Variants in CDKL5 observed in about 807,000 individuals in gnomAD.
CDKL5 encodes the protein cyclin-dependent kinase-like 5.
A neutral mutation model predicts 61.7 loss-of-function variants in CDKL5; 8 were observed. The ratio of observed to expected loss-of-function variants is 0.13; its 90% CI spans 0.08 to 0.23. CDKL5 has a LOEUF of 0.23. Ranked by LOEUF, CDKL5 falls within the 10% of genes least tolerant of loss-of-function variation. The pLI is 1.00. For synonymous variants in CDKL5, 275 were observed against 272.3 expected, an observed-to-expected ratio of 1.01 and a Z score of -0.10; for missense variants, 440 against 734.5, an observed-to-expected ratio of 0.60 and a Z score of 4.63.
chrX:18,626,800 G>A (rs1296694985), intron 17 of CDKL5: 3 of 89,159 alleles, frequency 3.4e-5, no homozygotes, highest in Admixed American at 1.4e-4. Context: ...TCAGGCTGGA[G>A]TGCAGTGGCA....
At chrX:18,572,081 A>G (rs1050900914) in intron 4 of CDKL5, among the ~76,000 whole-genome samples, 3 of 112,157 alleles carry the variant, frequency 2.7e-5, no homozygotes, top group African/African-American at 9.7e-5. Flanking sequence ...AATCAATACA[A>G]TTTTAATGAA....
intron 1 of CDKL5, among the ~76,000 whole-genome samples, chrX:18,490,745 G>A (rs909108308): frequency 2.7e-5 from 3 of 111,792 alleles, no homozygotes; most frequent in African/African-American, 9.7e-5. Flanking sequence ...TGATGAAATT[G>A]CTTGTATTTT....
At chrX:18,509,841 G>A (rs753698574) in intron 2 of CDKL5, among the ~76,000 whole-genome samples, 1 of 110,067 alleles carries the variant, frequency 9.1e-6, no homozygotes, top group East Asian at 2.9e-4. Flanking sequence ...CTGAGGCCTG[G>A]ACTACTTTGC....
intron 17 of CDKL5, among the ~76,000 whole-genome samples, chrX:18,628,151 C>T (rs1927124721): frequency 8.9e-6 from 1 of 111,900 alleles, no homozygotes; most frequent in African/African-American, 3.2e-5. Context: ...GCCGTACCAG[C>T]TCTATATGTC....
chrX:18,642,309 T>C (rs181740308), downstream of CDKL5, among the ~76,000 whole-genome samples: 67 of 111,879 alleles, frequency 6.0e-4, no homozygotes, highest in South Asian at 4.5e-3. Context: ...TGACCTTGAG[T>C]GATTGTCATC....
At chrX:18,496,885 C>T (rs1282799761) in intron 1 of CDKL5, among the ~76,000 whole-genome samples, 2 of 110,715 alleles carry the variant, frequency 1.8e-5, no homozygotes, top group Non-Finnish European at 3.8e-5. Context: ...GGGAGTATAA[C>T]GAGGTATGTC....
chrX:18,470,582 G>GAGTAT (rs1295863655), intron 1 of CDKL5, among the ~76,000 whole-genome samples: 1 of 110,705 alleles, frequency 9.0e-6, no homozygotes, highest in Non-Finnish European at 1.9e-5. Flanking sequence ...GAACCACTGT[G>GAGTAT]AGTATTATGG....
At position 18,563,327 on chromosome X, in the gene CDKL5, G is replaced by A. The variant is rs1370036969; in HGVS notation, c.100-1150G>A. Among the ~76,000 whole-genome samples, 3 of 111,629 alleles carry A rather than the reference G, an allele frequency of 2.7e-5. No homozygotes were observed. The South Asian group carries it at 1.1e-3, about 42-fold the overall frequency. ...CATGAAAGAGTCACCTTTGTACTAC[G>A]TGGGATAATATTCCAGCTGATAATC... On this transcript the variant is annotated intron_variant, in intron 3 of 17. Coordinates refer to ENST00000623535, the MANE Select transcript of CDKL5 (RefSeq NM_001323289.2).
At chrX:18,572,333 G>C (rs181218431) in intron 4 of CDKL5, among the ~76,000 whole-genome samples, 2 of 112,155 alleles carry the variant, frequency 1.8e-5, no homozygotes, top group Admixed American at 9.4e-5. Flanking sequence ...CATTAGCAAA[G>C]TGAAACTGCC....
At chrX:18,595,559 A>G (rs1300915097) in intron 10 of CDKL5, 131 bp downstream of exon 10, 12 of 488,321 alleles carry the variant, frequency 2.5e-5, no homozygotes, top group Non-Finnish European at 3.0e-5. Flanking sequence ...ATGGGGAACT[A>G]TGTCATATTA....
At chrX:18,470,367 AAAG>A (rs1356694130) in intron 1 of CDKL5, among the ~76,000 whole-genome samples, 2 of 105,039 alleles carry the variant, frequency 1.9e-5, no homozygotes, top group African/African-American at 7.0e-5. Context: ...AAAAAAAAAA[AAAG>A]AAGAAAAGAA....
At chrX:18,560,745 A>G (rs753840313) in intron 3 of CDKL5, among the ~76,000 whole-genome samples, 5 of 105,456 alleles carry the variant, frequency 4.7e-5, no homozygotes, top group Middle Eastern at 4.9e-3. Flanking sequence ...TCCTAATTTC[A>G]TTGATTTCCA....
chrX:18,452,104 A>T lies in CDKL5; in HGVS notation c.-163+26409A>T, dbSNP rs568003720. On this transcript the variant is annotated intron_variant, in intron 1 of 17. Coordinates refer to ENST00000623535, the MANE Select transcript of CDKL5 (RefSeq NM_001323289.2). ...TGGCTCAATTTGTTGCACTCTAAGG[A>T]TGATTGTATTAATAGATTTTTCATT... 3.5e-3 allele frequency among the ~76,000 whole-genome samples: 394 copies of T among 111,867 alleles called. 2 individuals carry two copies. In the Middle Eastern group the frequency reaches 0.046, roughly 13 times the overall value.
chrX:18,503,902 C>T (rs774349822), intron 1 of CDKL5, among the ~76,000 whole-genome samples: 1 of 109,764 alleles, frequency 9.1e-6, no homozygotes, highest in South Asian at 3.9e-4. Flanking sequence ...ACAACCACAC[C>T]CGGCTAGTTT....
chrX:18,627,163 T>G (rs2050337648), intron 17 of CDKL5: 1 of 111,416 alleles, frequency 9.0e-6, no homozygotes, highest in Non-Finnish European at 1.9e-5. Context: ...GCACAAAGCT[T>G]TCTTGGGAAG....
chrX:18,446,399 T>A (rs780512146), intron 1 of CDKL5, among the ~76,000 whole-genome samples: 29 of 111,053 alleles, frequency 2.6e-4, no homozygotes, highest in Non-Finnish European at 5.1e-4. Flanking sequence ...GAAGTAGTTG[T>A]AACCACAGAC....
intron 4 of CDKL5, among the ~76,000 whole-genome samples, chrX:18,574,982 C>G (rs1468944073): frequency 1.8e-5 from 2 of 111,871 alleles, no homozygotes; most frequent in African/African-American, 6.5e-5. Flanking sequence ...TAATCTCTTT[C>G]CTTCCTTGTA....
intron 3 of CDKL5, among the ~76,000 whole-genome samples, chrX:18,530,806 A>T (rs1017657554): frequency 9.0e-6 from 1 of 111,715 alleles, no homozygotes; most frequent in Non-Finnish European, 1.9e-5. Context: ...GTTATATGTT[A>T]ATCTGTCTAG....
At chrX:18,477,449 AT>A (rs1170662957) in intron 1 of CDKL5, among the ~76,000 whole-genome samples, 1 of 112,388 alleles carries the variant, frequency 8.9e-6, no homozygotes, top group African/African-American at 3.2e-5. Flanking sequence ...AGTTATTGAT[AT>A]GTTTGGATTT....
Sources: gnomAD v4.1 joint callset for allele counts (sites outside exome capture counted in the v4.1 genomes callset) on GRCh38, gnomAD v4.1.1 for gene constraint, MANE v1.5 for transcripts, NCBI Gene and HGNC (gene_info 2026-07-23, HGNC 2026-07-21) for gene names.